BMPER: variants seen among roughly 807,000 people sequenced by gnomAD.
BMPER encodes BMP binding endothelial regulator, also known as BMP-binding endothelial regulator protein.
A neutral mutation model predicts 87.3 loss-of-function variants in BMPER; 45 were observed. The observed-to-expected ratio is 0.52, with a 90% confidence interval of 0.41 to 0.66. The LOEUF (loss-of-function observed/expected upper bound fraction) is 0.66. BMPER is among the 30% of genes least tolerant of loss of function. The probability of loss-of-function intolerance (pLI) is 0.00; values close to 1 mark genes in which losing one functional copy is unlikely to be tolerated. For missense variants in BMPER, 784 were observed against 867.5 expected, an observed-to-expected ratio of 0.90 and a Z score of 1.21; for synonymous variants, 326 against 316.2, an observed-to-expected ratio of 1.03 and a Z score of -0.33.
chr7:33,913,681 C>T (rs1784017918), intron 2 of BMPER, among the ~76,000 whole-genome samples: 1 of 152,104 alleles, frequency 6.6e-6, no homozygotes, highest in African/African-American at 2.4e-5. Context: ...CAAACCATGC[C>T]CAAAAAGACA....
At chr7:33,959,423 T>G (rs1785218587) in intron 3 of BMPER, among the ~76,000 whole-genome samples, 1 of 152,192 alleles carries the variant, frequency 6.6e-6, no homozygotes, top group Non-Finnish European at 1.5e-5. Flanking sequence ...ATTATTTTCC[T>G]TCTTTCTCCA....
At position 33,954,807 on chromosome 7, in the gene BMPER, C is replaced by T. The variant is rs149862531; in HGVS notation, c.320-11672C>T. On this transcript the variant is annotated intron_variant, in intron 3 of 14. Coordinates refer to ENST00000649409, the MANE Select transcript of BMPER (RefSeq NM_001365308.1). ...TGGAGGTTTCTCCTCATTCCTTTCC[C>T]GGTGTGATCACATGGATCAGTAGCT... is the stretch of plus-strand genomic sequence containing the variant. Among the ~76,000 whole-genome samples, 969 of 152,220 alleles carry T rather than the reference C, an allele frequency of 6.4e-3. 10 individuals are homozygous for T. Among genetic ancestry groups the T allele is most frequent in the African/African-American group, 0.021 (881 of 41,528 alleles).
At chr7:34,094,005 T>C (rs765911378) in intron 13 of BMPER, among the ~76,000 whole-genome samples, 3 of 152,146 alleles carry the variant, frequency 2.0e-5, no homozygotes, top group Non-Finnish European at 2.9e-5. Context: ...AGGGACTCAT[T>C]CCAGGTCGCC....
At chr7:34,021,698 G>A (rs1787192173) in intron 6 of BMPER, among the ~76,000 whole-genome samples, 1 of 151,994 alleles carries the variant, frequency 6.6e-6, no homozygotes, top group South Asian at 2.1e-4. Flanking sequence ...TTATATTCAT[G>A]GGATAGAAAC....
chr7:34,015,964 G>A (rs992051567), intron 6 of BMPER, among the ~76,000 whole-genome samples: 23 of 151,636 alleles, frequency 1.5e-4, no homozygotes, highest in African/African-American at 5.6e-4. Flanking sequence ...TGGAAAGCTA[G>A]TACAAAAGAC....
At chr7:34,144,933 G>A (rs1790977904) in intron 14 of BMPER, among the ~76,000 whole-genome samples, 1 of 152,150 alleles carries the variant, frequency 6.6e-6, no homozygotes, top group Non-Finnish European at 1.5e-5. Context: ...AGATAAGAGT[G>A]GTCACTGGTT....
chr7:33,928,307 G>T (rs961101888), intron 2 of BMPER, among the ~76,000 whole-genome samples: 2 of 152,152 alleles, frequency 1.3e-5, no homozygotes, highest in African/African-American at 4.8e-5. Context: ...AGCTGCATCT[G>T]TGACAGGGCC....
At chr7:34,080,997 C>CT (rs145148949) in intron 12 of BMPER, among the ~76,000 whole-genome samples, 13 of 149,696 alleles carry the variant, frequency 8.7e-5, no homozygotes, top group South Asian at 2.1e-4. Context: ...TTTACAATTT[C>CT]TTTTTTTTTT....
rs1788446436 is a variant in BMPER, at chr7:34,061,948, C to CTGTTT, written c.1033-52_1033-48dup. The CTGTTT allele has an allele frequency of 3.3e-6, 3 of 917,792 alleles. No individual in the cohort carries two copies. The African/African-American group carries it at 5.9e-5, about 18-fold the overall frequency. 56.9% of individuals were successfully genotyped at this position (917,792 alleles called of 1,614,324 possible). A position where few individuals can be genotyped will look rare whatever the true frequency, so the allele number is the denominator to read the frequency against. On this transcript the variant is annotated intron_variant, in intron 10 of 14. Coordinates refer to ENST00000649409, the MANE Select transcript of BMPER (RefSeq NM_001365308.1). ...AAAAGATATTTGTCCTCAGGAGACC[C>CTGTTT]TGTTTTTTTTTTTTTTTAAACAGTA...
At chr7:33,962,955 G>A (rs1468000360) in intron 3 of BMPER, among the ~76,000 whole-genome samples, 7 of 151,784 alleles carry the variant, frequency 4.6e-5, no homozygotes, top group Non-Finnish European at 8.8e-5. Flanking sequence ...TTTATTCCTG[G>A]GCCATGAAGT....
At chr7:33,958,650 A>G (rs1431673183) in intron 3 of BMPER, among the ~76,000 whole-genome samples, 3 of 152,198 alleles carry the variant, frequency 2.0e-5, no homozygotes, top group Admixed American at 6.5e-5. Context: ...TAGTGAATGG[A>G]ACATGGCTTT....
chr7:33,949,829 C>CTTTTTTTA (rs1784978612), intron 3 of BMPER, among the ~76,000 whole-genome samples: 1 of 152,114 alleles, frequency 6.6e-6, no homozygotes, highest in South Asian at 2.1e-4. Context: ...CTCTTTTTCT[C>CTTTTTTTA]TAACCAAAAA....
At chr7:34,084,006 A>G (rs1441951868) in intron 12 of BMPER, among the ~76,000 whole-genome samples, 1 of 151,414 alleles carries the variant, frequency 6.6e-6, no homozygotes, top group Admixed American at 6.6e-5. Context: ...AGATTTAAAA[A>G]AAAAAAAAAA....
chr7:34,111,645 A>C (rs1380976189), intron 13 of BMPER, among the ~76,000 whole-genome samples: 1 of 152,250 alleles, frequency 6.6e-6, no homozygotes, highest in African/African-American at 2.4e-5. Context: ...TATAAAAAGA[A>C]AACAATTTAA....
chr7:33,924,024 G>A (rs1459352796), intron 2 of BMPER, among the ~76,000 whole-genome samples: 1 of 152,064 alleles, frequency 6.6e-6, no homozygotes, highest in Admixed American at 6.5e-5. Flanking sequence ...GTGTCTACCT[G>A]GTGTCTCCAC....
intron 13 of BMPER, among the ~76,000 whole-genome samples, chr7:34,101,232 T>C (rs1288635520): frequency 1.3e-5 from 2 of 152,186 alleles, no homozygotes; most frequent in Non-Finnish European, 2.9e-5. Flanking sequence ...TTTTTTCCCA[T>C]GCTGGAGAAA....
intron 6 of BMPER, among the ~76,000 whole-genome samples, chr7:34,034,018 AC>A (rs1163142862): frequency 1.3e-5 from 2 of 152,124 alleles, no homozygotes; most frequent in Non-Finnish European, 2.9e-5. Flanking sequence ...CTTGAGAAAG[AC>A]CTTTGGAGTT....
chr7:34,136,783 G>GT (rs903425461), intron 13 of BMPER, among the ~76,000 whole-genome samples: 1 of 152,264 alleles, frequency 6.6e-6, no homozygotes, highest in Non-Finnish European at 1.5e-5. Flanking sequence ...AAGACCCTTT[G>GT]TGGTGGCAGA....
chr7:34,126,031 C>A (rs532124331), intron 13 of BMPER, among the ~76,000 whole-genome samples: 1 of 152,170 alleles, frequency 6.6e-6, no homozygotes, highest in Admixed American at 6.5e-5. Flanking sequence ...CACTTACATT[C>A]TATTTGGGGA....
Sources: allele counts gnomAD v4.1 joint callset (sites outside exome capture counted in the v4.1 genomes callset), GRCh38; gene constraint gnomAD v4.1.1; transcripts MANE v1.5; gene names NCBI Gene and HGNC (gene_info 2026-07-23, HGNC 2026-07-21).